Variants in SUGCT observed in about 807,000 individuals in gnomAD.
The protein encoded by SUGCT is succinyl-CoA:glutarate-CoA transferase, also known as succinyl-CoA:glutarate CoA-transferase.
In SUGCT, 41 loss-of-function variants were observed where a neutral mutation model predicts 55.0. That is an observed-to-expected ratio of 0.74 (90% CI 0.58 to 0.97). SUGCT has a LOEUF of 0.97. Ranked by LOEUF, SUGCT falls within the 50% of genes least tolerant of loss-of-function variation. The probability of loss-of-function intolerance (pLI) is 0.00; values close to 1 mark genes in which losing one functional copy is unlikely to be tolerated. For missense variants in SUGCT, 568 were observed against 547.8 expected (o/e 1.04, Z -0.37); for synonymous variants, 187 against 200.4 (o/e 0.93, Z 0.56).
intron 9 of SUGCT, among the ~76,000 whole-genome samples, chr7:40,414,626 G>T (rs1475159658): frequency 6.6e-6 from 1 of 152,106 alleles, no homozygotes; most frequent in Non-Finnish European, 1.5e-5. Flanking sequence ...GGCCATGTTG[G>T]CTGGGCGTGG....
At chr7:40,830,075 T>C (rs892877172) in intron 13 of SUGCT, among the ~76,000 whole-genome samples, 3 of 152,138 alleles carry the variant, frequency 2.0e-5, no homozygotes, top group African/African-American at 7.2e-5. Flanking sequence ...GCACACCCAA[T>C]TGGCTCTACT....
chr7:40,146,746 C>T (rs1361683730), intron 1 of SUGCT, among the ~76,000 whole-genome samples: 1 of 152,220 alleles, frequency 6.6e-6, no homozygotes, highest in African/African-American at 2.4e-5. Flanking sequence ...ACGAGCATGT[C>T]ACCGTGCTGC....
chr7:40,232,500 A>G (rs1373730336), intron 6 of SUGCT, among the ~76,000 whole-genome samples: 3 of 152,206 alleles, frequency 2.0e-5, no homozygotes. Context: ...TGTGACCTCC[A>G]AAAGTATAAC....
chr7:41,034,335 A>G, the SUGCT span, among the ~76,000 whole-genome samples: 1 of 152,216 alleles, frequency 6.6e-6, no homozygotes, highest in Non-Finnish European at 1.5e-5. Context: ...CTCATTTTCC[A>G]TGAAAGTAAA....
intron 9 of SUGCT, among the ~76,000 whole-genome samples, chr7:40,419,105 A>G (rs1464173852): frequency 6.6e-6 from 1 of 152,256 alleles, no homozygotes; most frequent in Non-Finnish European, 1.5e-5. Flanking sequence ...GCAGCAGAAT[A>G]ATAAAAATAT....
intron 12 of SUGCT, among the ~76,000 whole-genome samples, chr7:40,661,469 C>T (rs1374855685): frequency 1.3e-5 from 2 of 152,122 alleles, no homozygotes; most frequent in Non-Finnish European, 2.9e-5. Context: ...AAAACAAATC[C>T]CCTTAATTTG....
chr7:40,923,051 C>A, the SUGCT span, among the ~76,000 whole-genome samples: 2 of 152,316 alleles, frequency 1.3e-5, no homozygotes, highest in East Asian at 3.9e-4. Flanking sequence ...AGGTAGACAT[C>A]AAGGCCAGCG....
At chr7:40,165,475 G>T (rs1284888429) in intron 1 of SUGCT, among the ~76,000 whole-genome samples, 2 of 152,120 alleles carry the variant, frequency 1.3e-5, no homozygotes, top group African/African-American at 2.4e-5. Flanking sequence ...TCTTTGCATG[G>T]TTGACCAGCT....
chr7:40,998,213 C>T, the SUGCT span, among the ~76,000 whole-genome samples: 1 of 152,020 alleles, frequency 6.6e-6, no homozygotes, highest in Non-Finnish European at 1.5e-5. Context: ...ACTAAAAATA[C>T]AAAAATAAAT....
intron 12 of SUGCT, among the ~76,000 whole-genome samples, chr7:40,533,731 C>A (rs565948028): frequency 4.7e-4 from 71 of 152,208 alleles, no homozygotes; most frequent in Non-Finnish European, 9.0e-4. Flanking sequence ...TATTAAATAA[C>A]AACTTTCTAA....
chr7:40,537,130 C>T (rs1794406183), intron 12 of SUGCT, among the ~76,000 whole-genome samples: 1 of 152,126 alleles, frequency 6.6e-6, no homozygotes. Context: ...CAACATGTCT[C>T]AATCTTTCTG....
At chr7:40,138,372 A>T (rs1787804697) in intron 1 of SUGCT, among the ~76,000 whole-genome samples, 2 of 152,138 alleles carry the variant, frequency 1.3e-5, no homozygotes, top group South Asian at 4.1e-4. Context: ...TATATATGCC[A>T]TATTTTGTTT....
chr7:40,908,594 C>T, the SUGCT span, among the ~76,000 whole-genome samples: 1 of 152,018 alleles, frequency 6.6e-6, no homozygotes, highest in Non-Finnish European at 1.5e-5. Context: ...TAAGCTTTAA[C>T]ATTTGCATAG....
chr7:40,191,423 A>G (rs1365605883), intron 5 of SUGCT, among the ~76,000 whole-genome samples: 1 of 152,244 alleles, frequency 6.6e-6, no homozygotes, highest in East Asian at 1.9e-4. Flanking sequence ...TATTAAGATC[A>G]GAATCAGGGA....
chr7:40,941,000 C>G, the SUGCT span, among the ~76,000 whole-genome samples: 1 of 151,906 alleles, frequency 6.6e-6, no homozygotes, highest in African/African-American at 2.4e-5. Context: ...ATGTTGTTGG[C>G]TGTGGGTTAG....
the SUGCT span, among the ~76,000 whole-genome samples, chr7:40,973,013 T>C: frequency 6.6e-6 from 1 of 152,352 alleles, no homozygotes; most frequent in Non-Finnish European, 1.5e-5. Context: ...CATTCTCTGC[T>C]TTTCCGGAGA....
At chr7:40,700,040 G>A (rs561530191) in intron 12 of SUGCT, among the ~76,000 whole-genome samples, 8 of 152,188 alleles carry the variant, frequency 5.3e-5, no homozygotes, top group African/African-American at 1.4e-4. Context: ...TCTTTTGGTT[G>A]CTGTAGGCAG....
At chr7:40,294,030 C>G (rs1793960305) in intron 8 of SUGCT, among the ~76,000 whole-genome samples, 1 of 152,072 alleles carries the variant, frequency 6.6e-6, no homozygotes, top group African/African-American at 2.4e-5. Flanking sequence ...TCACTGCAAC[C>G]TCCGCCTCCC....
At chr7:40,787,660 C>CAAAAAAAAA (rs55764379) in intron 13 of SUGCT, among the ~76,000 whole-genome samples, 18 of 48,422 alleles carry the variant, frequency 3.7e-4, no homozygotes, top group African/African-American at 1.1e-3. Flanking sequence ...AAATTTTGAC[C>CAAAAAAAAA]AAAAAAAAAA....
Sources: gnomAD v4.1 joint callset for allele counts (sites outside exome capture counted in the v4.1 genomes callset) on GRCh38, gnomAD v4.1.1 for gene constraint, MANE v1.5 for transcripts, NCBI Gene and HGNC (gene_info 2026-07-23, HGNC 2026-07-21) for gene names.